Variants in USP53 observed in about 807,000 individuals in gnomAD.
USP53 encodes the protein ubiquitin carboxyl-terminal hydrolase 53.
Under a neutral mutation model 94.9 loss-of-function variants are expected in USP53, and 71 were observed. The observed-to-expected ratio is 0.75, with a 90% confidence interval of 0.62 to 0.91. The LOEUF (loss-of-function observed/expected upper bound fraction) is 0.91, where lower values mean the gene tolerates loss of function less well. Ranked by LOEUF, USP53 falls within the 40% of genes least tolerant of loss-of-function variation. USP53 has a pLI of 0.00. For missense variants in USP53, 1,173 were observed against 1,281.0 expected, an observed-to-expected ratio of 0.92 and a Z score of 1.29; for synonymous variants, 375 against 422.7, an observed-to-expected ratio of 0.89 and a Z score of 1.39.
chr4:119,252,867 A>G (rs1039346252), intron 7 of USP53, among the ~76,000 whole-genome samples: 2 of 152,154 alleles, frequency 1.3e-5, no homozygotes, highest in Non-Finnish European at 2.9e-5. Flanking sequence ...TCTCGTGGGC[A>G]TTTCATGCTA....
chr4:119,278,045 T>C (rs2149445144), intron 17 of USP53, among the ~76,000 whole-genome samples: 1 of 149,218 alleles, frequency 6.7e-6, no homozygotes, highest in Non-Finnish European at 1.5e-5. Context: ...GGGTCTTGAC[T>C]CTTTATCCAA....
intron 12 of USP53, among the ~76,000 whole-genome samples, chr4:119,264,021 C>T (rs1485617183): frequency 6.6e-6 from 1 of 152,126 alleles, no homozygotes; most frequent in Non-Finnish European, 1.5e-5. Flanking sequence ...GCCGAGATCG[C>T]GCCACTGCAC....
intron 17 of USP53, among the ~76,000 whole-genome samples, chr4:119,277,566 T>G (rs1752819420): frequency 1.3e-5 from 1 of 78,176 alleles, no homozygotes. Context: ...CTGAAAAAAA[T>G]GTATATTCTG....
chr4:119,247,297 C>CT (rs1484681897), intron 6 of USP53, among the ~76,000 whole-genome samples: 1 of 152,158 alleles, frequency 6.6e-6, no homozygotes, highest in Admixed American at 6.6e-5. Flanking sequence ...AAACTGGGCT[C>CT]TATTTCTCAG....
intron 17 of USP53, among the ~76,000 whole-genome samples, chr4:119,290,810 C>A (rs1754661945): frequency 6.6e-6 from 1 of 152,066 alleles, no homozygotes; most frequent in Non-Finnish European, 1.5e-5. Flanking sequence ...CTCAAGCCAG[C>A]GATCTTCAAA....
At position 119,292,478 on chromosome 4, in the gene USP53, G is replaced by A. The variant is rs1192757519; in HGVS notation, c.2489G>A (p.Trp830Ter). 6.2e-7 allele frequency: 1 copy of A among 1,613,960 alleles called. No individual in the cohort carries two copies. Among genetic ancestry groups the A allele is most frequent in the African/African-American group, 1.3e-5 (1 of 75,024 alleles). Residue 830 changes from tryptophan (W) to a stop codon, truncating the protein, a stop_gained, in exon 19 of 19, where the codon TGG becomes TAG. Transcript: ENST00000692078. LOFTEE classifies it low-confidence loss of function (END_TRUNC). ...CCGAATGAATGCAAATTTTCTGAGT[G>A]GCTTAATATAGAAAATTCTGAGAGA... ...EKPNECKFSE[W>*]LNIENSERTG...
At chr4:119,280,110 C>T (rs1753325716) in intron 17 of USP53, among the ~76,000 whole-genome samples, 2 of 152,194 alleles carry the variant, frequency 1.3e-5, no homozygotes, top group African/African-American at 4.8e-5. Context: ...CCTATTCGGC[C>T]ATCTTGGCTC....
chr4:119,230,336 C>A (rs929643204), intron 3 of USP53, among the ~76,000 whole-genome samples: 1 of 152,148 alleles, frequency 6.6e-6, no homozygotes, highest in East Asian at 1.9e-4. Context: ...CTCAAAAACA[C>A]TTGTGTTTTC....
Position 119,271,880 on chromosome 4 carries a change from G to T in USP53, c.2020G>T (p.Val674Leu), listed in dbSNP as rs1231262217. 1 of 1,614,142 alleles carries T rather than the reference G, an allele frequency of 6.2e-7. No homozygotes were observed. Among genetic ancestry groups the T allele is most frequent in the Non-Finnish European group, 8.5e-7 (1 of 1,180,018 alleles). ...EKNKGLVEGK[V>L]HGDNWQMQRT... The stretch of plus-strand genomic sequence containing the variant: ...AAATAAAGGCCTTGTAGAGGGTAAA[G>T]TGCATGGTGATAATTGGCAGATGCA... Residue 674 changes from valine to leucine, a missense_variant, in exon 16 of 19, where the codon GTG (valine) becomes TTG (leucine). By Grantham distance (32) the Val-to-Leu change is conservative (BLOSUM62 1). Transcript: ENST00000692078.
rs1240611271 is a variant in USP53 at position 119,293,880 on chromosome 4, T to G, written c.*669T>G. 6.6e-6 allele frequency: 1 copy of G among 152,134 alleles called. No individual in the cohort carries two copies. The highest frequency in any genetic ancestry group is 1.5e-5 in the Non-Finnish European group (1 of 67,972). The allele number at this position is 152,134 out of a possible 1,614,324, so 9.4% of individuals were successfully genotyped here. Reference sequence around the variant, plus strand: ...GCATTTGGGGAAAAAAAGCCTTATATGATTAACAATTTGTAAGTTTTCAAG... The same window carrying G: ...GCATTTGGGGAAAAAAAGCCTTATAGGATTAACAATTTGTAAGTTTTCAAG... On this transcript the variant is annotated 3_prime_UTR_variant, in exon 19 of 19. Transcript: ENST00000692078.
intron 9 of USP53, among the ~76,000 whole-genome samples, chr4:119,259,516 C>A (rs1460799118): frequency 6.6e-6 from 1 of 152,136 alleles, no homozygotes; most frequent in Non-Finnish European, 1.5e-5. Flanking sequence ...AGTAATAATA[C>A]AAATAAAACA....
intron 12 of USP53, among the ~76,000 whole-genome samples, chr4:119,263,120 A>G (rs183504804): frequency 5.3e-5 from 8 of 152,362 alleles, no homozygotes; most frequent in African/African-American, 1.4e-4. Context: ...GATTAAGACA[A>G]TACAAATTCA....
chr4:119,260,283 A>G (rs1750328393), intron 10 of USP53, among the ~76,000 whole-genome samples: 2 of 152,066 alleles, frequency 1.3e-5, no homozygotes, highest in African/African-American at 4.8e-5. Context: ...TTTAGGTTGA[A>G]TTCTTACTTT....
intron 11 of USP53, 40 bp downstream of exon 11, chr4:119,260,693 A>G (rs752226017): frequency 4.4e-6 from 7 of 1,601,698 alleles, no homozygotes; most frequent in East Asian, 4.5e-5. Flanking sequence ...TTTATTTTCA[A>G]ATTCTTCTAA....
At position 119,271,634 on chromosome 4, in the gene USP53, A is replaced by G; in HGVS notation, c.1774A>G (p.Asn592Asp). Residue 592 changes from asparagine to aspartate, a missense_variant, in exon 16 of 19, where the codon AAT becomes GAT. Physicochemically the swap from Asn to Asp is conservative, Grantham distance 23. Coordinates refer to ENST00000692078, the MANE Select transcript of USP53 (RefSeq NM_001371395.1). ...TTGGAAACCTATGAGAGAAACATTAAATGTTGATAGTATTTTTAGTGAAAG... is the reference window on the plus strand; with the variant it reads ...TTGGAAACCTATGAGAGAAACATTAGATGTTGATAGTATTTTTAGTGAAAG... ...RGWKPMRETLNVDSIFSESEK... is the reference protein window; with the variant it reads ...RGWKPMRETLDVDSIFSESEK... 1 of 1,613,906 alleles carries G rather than the reference A, an allele frequency of 6.2e-7. No homozygotes were observed. Among genetic ancestry groups the G allele is most frequent in the Non-Finnish European group, 8.5e-7 (1 of 1,180,042 alleles).
chr4:119,228,559 G>A (rs1317447754), intron 3 of USP53, among the ~76,000 whole-genome samples: 1 of 152,142 alleles, frequency 6.6e-6, no homozygotes, highest in African/African-American at 2.4e-5. Flanking sequence ...TGGGGATGGG[G>A]GTGTGGGTGC....
In USP53 at chr4:119,214,182, A is replaced by C. The variant is rs1446303283; in HGVS notation, c.-829A>C. 9 of 151,728 alleles carry C rather than the reference A, an allele frequency of 5.9e-5. No homozygotes were observed. The South Asian group carries it at 1.7e-3, about 28-fold the overall frequency. The allele number at this position is 151,728 out of a possible 1,614,324, so 9.4% of individuals were successfully genotyped here. On this transcript the variant is annotated 5_prime_UTR_variant, in exon 2 of 19. Transcript: ENST00000692078. ...ACTCTGCAAAAGTAATATATGATTT[A>C]CCTGCTGTTGTCATAAGAATTCCAA... is the stretch of plus-strand genomic sequence containing the variant.
rs568533820 is a variant in USP53 at position 119,295,026 on chromosome 4, TCA to T, written c.*1818_*1819del. ...TGGGCTTCAAGTTTTTTAATAGCTT[TCA>T]CAGTTTGTGTAGTTTTTTTTTTCTA... On this transcript the variant is annotated 3_prime_UTR_variant, in exon 19 of 19. Transcript: ENST00000692078. 3.3e-5 allele frequency: 5 copies of T among 152,236 alleles called. No homozygotes were observed. Among genetic ancestry groups the T allele is most frequent in the South Asian group, 2.1e-4 (1 of 4,828 alleles). The allele number at this position is 152,236 out of a possible 1,614,324, so 9.4% of individuals were successfully genotyped here.
chr4:119,239,445 C>T lies in USP53; in HGVS notation c.-315C>T, dbSNP rs1227864898. 1 of 325,294 alleles carries T rather than the reference C, an allele frequency of 3.1e-6. No homozygotes were observed. Among genetic ancestry groups the T allele is most frequent in the Non-Finnish European group, 5.5e-6 (1 of 181,094 alleles). 20.2% of individuals were successfully genotyped at this position (325,294 alleles called of 1,614,324 possible). A position where few individuals can be genotyped will look rare whatever the true frequency, so the allele number is the denominator to read the frequency against. ...TGATTCGTTCATCAGTATTTTTAGC[C>T]ATTAAAAAAAATCGTTTTCATATTA... On this transcript the variant is annotated 5_prime_UTR_variant, in exon 5 of 19. Coordinates refer to ENST00000692078, the MANE Select transcript of USP53 (RefSeq NM_001371395.1).
Sources: allele counts gnomAD v4.1 joint callset (sites outside exome capture counted in the v4.1 genomes callset), GRCh38; gene constraint gnomAD v4.1.1; transcripts MANE v1.5; gene names NCBI Gene and HGNC (gene_info 2026-07-23, HGNC 2026-07-21).